The following PCDH15 variants were observed in gnomAD, a reference collection of about 807,000 sequenced individuals.
PCDH15 encodes the protein protocadherin-15.
PCDH15 carries 129 observed loss-of-function variants against 178.5 expected under a neutral mutation model. The ratio of observed to expected loss-of-function variants is 0.72; its 90% CI spans 0.63 to 0.84. PCDH15 has a LOEUF of 0.84. PCDH15 is among the 40% of genes least tolerant of loss of function. The pLI is 0.00. For missense variants in PCDH15, 2,230 were observed against 2,099.9 expected (o/e 1.06, Z -1.21); for synonymous variants, 800 against 732.0 (o/e 1.09, Z -1.50).
At chr10:54,564,910 T>C (rs2088785056) in intron 2 of PCDH15, among the ~76,000 whole-genome samples, 1 of 152,146 alleles carries the variant, frequency 6.6e-6, no homozygotes, top group Admixed American at 6.5e-5. Context: ...TTCAAAAATA[T>C]AAAAATACCT....
Position 54,092,405 on chromosome 10 carries a change from T to C in PCDH15, c.1918-2342A>G, listed in dbSNP as rs988310921. On this transcript the variant is annotated intron_variant, in intron 15 of 37. Transcript: ENST00000644397. ...TTGTTTTTCCAGGCCAATTCTTTTA[T>C]TTCTTTGGGGTAAAGTCTATTGCTT... Among the ~76,000 whole-genome samples the C allele has an allele frequency of 5.3e-5, 8 of 152,242 alleles. No individual in the cohort carries two copies. The East Asian group carries it at 1.5e-3, about 29-fold the overall frequency.
intron 26 of PCDH15, among the ~76,000 whole-genome samples, chr10:53,882,204 G>T (rs1484192972): frequency 1.3e-5 from 2 of 151,962 alleles, no homozygotes; most frequent in Non-Finnish European, 2.9e-5. Flanking sequence ...CTTGCTTCTA[G>T]CACTCCCCTT....
chr10:54,926,207 T>C (rs554889152), intron 2 of PCDH15, among the ~76,000 whole-genome samples: 5 of 152,288 alleles, frequency 3.3e-5, no homozygotes, highest in East Asian at 1.9e-4. Context: ...GAGATAATCA[T>C]GTGGCTTTTT....
chr10:55,343,613 C>A (rs1844663581), intron 2 of PCDH15, among the ~76,000 whole-genome samples: 1 of 143,206 alleles, frequency 7.0e-6, no homozygotes, highest in Non-Finnish European at 1.6e-5. Flanking sequence ...CTAATTGATT[C>A]AGCCCATCTT....
intron 3 of PCDH15, among the ~76,000 whole-genome samples, chr10:54,878,688 C>A (rs2131803520): frequency 6.6e-6 from 1 of 151,938 alleles, no homozygotes; most frequent in Non-Finnish European, 1.5e-5. Context: ...TTTTTAAGTT[C>A]TGGGACACAT....
intron 21 of PCDH15, among the ~76,000 whole-genome samples, chr10:53,988,317 C>T (rs1468611928): frequency 1.3e-5 from 2 of 152,268 alleles, no homozygotes; most frequent in South Asian, 2.1e-4. Context: ...TGGTACAGCT[C>T]CTTCAGCCTC....
intron 3 of PCDH15, among the ~76,000 whole-genome samples, chr10:54,890,974 G>A (rs1465775756): frequency 2.0e-5 from 3 of 151,942 alleles, no homozygotes; most frequent in Non-Finnish European, 4.4e-5. Flanking sequence ...ACACTCAAAA[G>A]GATGAGCAAG....
chr10:54,916,191 G>A (rs549434788), intron 2 of PCDH15, among the ~76,000 whole-genome samples: 25 of 152,146 alleles, frequency 1.6e-4, no homozygotes, highest in Non-Finnish European at 2.1e-4. Flanking sequence ...GGCTGGTCTC[G>A]AACTCCTGAC....
intron 1 of PCDH15, among the ~76,000 whole-genome samples, chr10:55,309,001 A>C (rs1843505198): frequency 6.6e-6 from 1 of 152,188 alleles, no homozygotes; most frequent in African/African-American, 2.4e-5. Flanking sequence ...CAATAGTCTC[A>C]TGACAAAAAC....
At chr10:54,525,345 T>A (rs187941878) in intron 3 of PCDH15, among the ~76,000 whole-genome samples, 1 of 152,238 alleles carries the variant, frequency 6.6e-6, no homozygotes, top group Non-Finnish European at 1.5e-5. Flanking sequence ...AAATGAGTGC[T>A]CATCATTCTG....
intron 32 of PCDH15, chr10:53,825,094 T>C (rs2132542141): frequency 1.3e-6 from 2 of 1,519,126 alleles, no homozygotes; most frequent in Non-Finnish European, 1.8e-6. Flanking sequence ...ATTGTATCTA[T>C]TTTTCTAACG....
At chr10:55,530,332 ACT>A (rs974169684) in intron 2 of PCDH15, among the ~76,000 whole-genome samples, 3 of 151,708 alleles carry the variant, frequency 2.0e-5, no homozygotes, top group African/African-American at 7.2e-5. Flanking sequence ...AAGTCCTGAC[ACT>A]CTCTCCCCAA....
intron 2 of PCDH15, among the ~76,000 whole-genome samples, chr10:55,550,619 G>C (rs994203838): frequency 6.6e-6 from 1 of 152,050 alleles, no homozygotes; most frequent in African/African-American, 2.4e-5. Flanking sequence ...ATTTTTAAAA[G>C]ACAAAATATT....
chr10:53,876,299 T>C (rs542850755), intron 26 of PCDH15, among the ~76,000 whole-genome samples: 1 of 151,414 alleles, frequency 6.6e-6, no homozygotes, highest in South Asian at 2.1e-4. Flanking sequence ...GCGATTCCCC[T>C]GCCTCAGCCA....
intron 2 of PCDH15, among the ~76,000 whole-genome samples, chr10:55,106,959 A>G (rs1222057099): frequency 1.3e-5 from 2 of 152,232 alleles, no homozygotes; most frequent in African/African-American, 4.8e-5. Flanking sequence ...GGGCAGAAGA[A>G]TAAAGCAAAT....
intron 23 of PCDH15, among the ~76,000 whole-genome samples, chr10:53,949,466 T>G (rs1433675523): frequency 6.6e-6 from 1 of 152,208 alleles, no homozygotes; most frequent in Non-Finnish European, 1.5e-5. Context: ...CTTTCCAAAC[T>G]ATTGTTCATC....
intron 3 of PCDH15, among the ~76,000 whole-genome samples, chr10:54,858,546 G>T (rs576517211): frequency 1.3e-5 from 2 of 152,178 alleles, no homozygotes; most frequent in East Asian, 3.9e-4. Context: ...AAATTTTGGT[G>T]TTCTGTAGAA....
At chr10:54,492,462 T>G (rs2079690108) in intron 3 of PCDH15, among the ~76,000 whole-genome samples, 1 of 152,192 alleles carries the variant, frequency 6.6e-6, no homozygotes, top group Admixed American at 6.6e-5. Flanking sequence ...CGTAATTTAT[T>G]ATGTTGCTAC....
At chr10:55,155,301 A>G (rs1170231306) in intron 2 of PCDH15, among the ~76,000 whole-genome samples, 3 of 152,036 alleles carry the variant, frequency 2.0e-5, no homozygotes, top group Non-Finnish European at 4.4e-5. Context: ...TTTCAGATAT[A>G]ATTTTATTAT....
Sources: allele counts gnomAD v4.1 joint callset (sites outside exome capture counted in the v4.1 genomes callset), GRCh38; gene constraint gnomAD v4.1.1; transcripts MANE v1.5; gene names NCBI Gene and HGNC (gene_info 2026-07-23, HGNC 2026-07-21).